Variants in TRHDE observed in about 807,000 individuals in gnomAD.
The protein encoded by TRHDE is thyrotropin-releasing hormone-degrading ectoenzyme.
In TRHDE, 72 loss-of-function variants were observed where a neutral mutation model predicts 125.7. The observed-to-expected ratio is 0.57, with a 90% CI of 0.47 to 0.70. The LOEUF is 0.70. Ranked by LOEUF, TRHDE falls within the 30% of genes least tolerant of loss-of-function variation. TRHDE has a pLI of 0.00. For missense variants in TRHDE, 1,110 were observed against 1,327.1 expected, an observed-to-expected ratio of 0.84 and a Z score of 2.54; for synonymous variants, 509 against 509.1, an observed-to-expected ratio of 1.00 and a Z score of 0.00.
chr12:72,327,606 A>G (rs550883641), intron 2 of TRHDE, among the ~76,000 whole-genome samples: 1 of 152,300 alleles, frequency 6.6e-6, no homozygotes, highest in Admixed American at 6.5e-5. Flanking sequence ...CTCTGAGATC[A>G]CAATTAAGAG....
intron 17 of TRHDE, among the ~76,000 whole-genome samples, chr12:72,656,157 T>C (rs1423579009): frequency 6.6e-6 from 1 of 152,096 alleles, no homozygotes; most frequent in Non-Finnish European, 1.5e-5. Context: ...ATCAGTAAAA[T>C]GAGTATTCTT....
At chr12:72,173,000 G>GAATACTA (rs1252148288) in intron 2 of TRHDE, among the ~76,000 whole-genome samples, 10 of 152,134 alleles carry the variant, frequency 6.6e-5, no homozygotes, top group African/African-American at 2.4e-4. Flanking sequence ...AGGTATATCA[G>GAATACTA]AATACTATTT....
At chr12:72,468,364 T>C (rs1284314164) in intron 3 of TRHDE, among the ~76,000 whole-genome samples, 1 of 152,244 alleles carries the variant, frequency 6.6e-6, no homozygotes, top group African/African-American at 2.4e-5. Flanking sequence ...AATATTCCTT[T>C]ATATACATAT....
chr12:72,514,769 T>C (rs1380011889), intron 6 of TRHDE, among the ~76,000 whole-genome samples: 1 of 143,908 alleles, frequency 6.9e-6, no homozygotes, highest in African/African-American at 2.6e-5. Flanking sequence ...GTATATCTCC[T>C]AATGCTATCC....
At chr12:72,606,027 G>A (rs1476168677) in intron 12 of TRHDE, among the ~76,000 whole-genome samples, 1 of 152,114 alleles carries the variant, frequency 6.6e-6, no homozygotes, top group Non-Finnish European at 1.5e-5. Flanking sequence ...TTCTCTAACT[G>A]ATGGCTGAGT....
intron 2 of TRHDE, among the ~76,000 whole-genome samples, chr12:72,133,678 C>T (rs1005859667): frequency 6.6e-6 from 1 of 152,162 alleles, no homozygotes; most frequent in African/African-American, 2.4e-5. Flanking sequence ...CTAGGTGTCC[C>T]TTGTTGCATG....
intron 3 of TRHDE, among the ~76,000 whole-genome samples, chr12:72,400,488 C>T (rs1373349809): frequency 1.3e-5 from 2 of 152,064 alleles, no homozygotes; most frequent in African/African-American, 4.8e-5. Context: ...GTTTTTTATG[C>T]CCATTAGCAG....
intron 2 of TRHDE, among the ~76,000 whole-genome samples, chr12:72,368,393 C>T (rs1399400518): frequency 6.6e-6 from 1 of 151,526 alleles, no homozygotes; most frequent in African/African-American, 2.4e-5. Flanking sequence ...GTATTTTTAC[C>T]TTTCTTTAAA....
At position 72,669,897 on chromosome 12, in the gene TRHDE, A is replaced by C. The variant is rs564732894; in HGVS notation, c.*6702A>C. On this transcript the variant is annotated 3_prime_UTR_variant, in exon 19 of 19. Transcript: ENST00000261180. ...TCTTTTAATCCCTTTGCATTTTGAT[A>C]ATATCGAAAACAGATTAGGGCTGAA... The C allele has an allele frequency of 2.2e-4, 33 of 151,812 alleles. No individual in the cohort carries two copies. The East Asian group carries it at 6.0e-3, about 28-fold the overall frequency. The allele number at this position is 151,812 out of a possible 1,614,324, so 9.4% of individuals were successfully genotyped here. A position where few individuals can be genotyped will look rare whatever the true frequency, so the allele number is the denominator to read the frequency against.
In TRHDE at chr12:72,503,660, A is replaced by T. The variant is rs184116775; in HGVS notation, c.1722+4025A>T. Among the ~76,000 whole-genome samples, 9 of 152,322 alleles carry T rather than the reference A, an allele frequency of 5.9e-5. No individual in the cohort carries two copies. The East Asian group carries it at 1.7e-3, about 29-fold the overall frequency. On this transcript the variant is annotated intron_variant, in intron 6 of 18. Transcript: ENST00000261180. Reference sequence around the variant, plus strand: ...AGTTGAATTACGTATTTACAGTATCATCAGAAATCTACCTTTCTTCAGTTT... The same window carrying T: ...AGTTGAATTACGTATTTACAGTATCTTCAGAAATCTACCTTTCTTCAGTTT...
intron 15 of TRHDE, among the ~76,000 whole-genome samples, chr12:72,623,273 G>T (rs1391947500): frequency 6.6e-6 from 1 of 151,888 alleles, no homozygotes; most frequent in Non-Finnish European, 1.5e-5. Flanking sequence ...TGTTTTGTTT[G>T]TTTTTGTTTT....
rs573550266 is a variant in TRHDE, at chr12:72,638,633, C to T, written c.2676-13689C>T. Among the ~76,000 whole-genome samples the T allele has an allele frequency of 2.8e-4, 43 of 151,970 alleles. 1 individual carries two copies. The highest frequency in any genetic ancestry group is 7.9e-4 in the Admixed American group (12 of 15,246). On this transcript the variant is annotated intron_variant, in intron 15 of 18. Coordinates refer to ENST00000261180, the MANE Select transcript of TRHDE (RefSeq NM_013381.3). ...TTTACATTTTGGCATGATTTTGCAG[C>T]GGCTGGTACCGGTCGTTCCATTCCA...
intron 6 of TRHDE, among the ~76,000 whole-genome samples, chr12:72,529,209 G>A (rs1393627696): frequency 1.3e-5 from 2 of 151,992 alleles, no homozygotes; most frequent in Non-Finnish European, 2.9e-5. Context: ...TTAATTATAA[G>A]GTGTTGCAGG....
At chr12:72,586,633 T>C (rs1871450148) in intron 12 of TRHDE, among the ~76,000 whole-genome samples, 1 of 152,072 alleles carries the variant, frequency 6.6e-6, no homozygotes, top group Admixed American at 6.6e-5. Context: ...GATTCTTCCT[T>C]CCTAAACTAG....
At chr12:72,248,636 T>C (rs1025902148) in intron 2 of TRHDE, among the ~76,000 whole-genome samples, 8 of 152,162 alleles carry the variant, frequency 5.3e-5, no homozygotes, top group African/African-American at 1.4e-4. Flanking sequence ...GATTGTGTAA[T>C]GGTTCTTCTA....
At chr12:72,648,591 G>C (rs1385870395) in intron 15 of TRHDE, among the ~76,000 whole-genome samples, 3 of 151,934 alleles carry the variant, frequency 2.0e-5, no homozygotes, top group Non-Finnish European at 4.4e-5. Flanking sequence ...TAGTGTTTCT[G>C]TACACTAACA....
intron 15 of TRHDE, among the ~76,000 whole-genome samples, chr12:72,641,714 A>G (rs1030927094): frequency 2.0e-5 from 3 of 152,220 alleles, no homozygotes; most frequent in African/African-American, 7.2e-5. Context: ...CATTCACAGC[A>G]AAATCTTTGG....
chr12:72,523,409 A>G (rs974392284), intron 6 of TRHDE, among the ~76,000 whole-genome samples: 1 of 152,138 alleles, frequency 6.6e-6, no homozygotes, highest in African/African-American at 2.4e-5. Flanking sequence ...ACAAAAAGCT[A>G]AAGTTTGGAG....
At chr12:72,444,196 T>A (rs983574917) in intron 3 of TRHDE, among the ~76,000 whole-genome samples, 1 of 151,840 alleles carries the variant, frequency 6.6e-6, no homozygotes, top group Non-Finnish European at 1.5e-5. Flanking sequence ...TCAATATTTT[T>A]AAAAAACCCC....
Sources: gnomAD v4.1 joint callset for allele counts (sites outside exome capture counted in the v4.1 genomes callset) on GRCh38, gnomAD v4.1.1 for gene constraint, MANE v1.5 for transcripts, NCBI Gene and HGNC (gene_info 2026-07-23, HGNC 2026-07-21) for gene names.